The following ADAMDEC1 variants were observed in gnomAD, a reference collection of about 807,000 sequenced individuals.
ADAMDEC1 encodes ADAM like decysin 1, also known as ADAM DEC1.
ADAMDEC1 carries 62 observed loss-of-function variants against 60.4 expected under a neutral mutation model. That is an observed-to-expected ratio of 1.03 (90% CI 0.84 to 1.27). ADAMDEC1 has a LOEUF of 1.27. Among genes scored for constraint, ADAMDEC1 ranks in the 50% most tolerant of loss-of-function variants. The pLI is 0.00. For synonymous variants in ADAMDEC1, 210 were observed against 195.1 expected (o/e 1.08, Z -0.64); for missense variants, 595 against 565.0 (o/e 1.05, Z -0.54).
At chr8:24,395,639 C>A in intron 4 of ADAMDEC1, 81 bp from the exon 5 acceptor site, 1 of 932,616 alleles carries the variant, frequency 1.1e-6, no homozygotes, top group Non-Finnish European at 1.6e-6. Context: ...CATGTATTCT[C>A]ATAGTTTATA....
chr8:24,394,082 C>T lies in ADAMDEC1; in HGVS notation c.298C>T (p.Pro100Ser). 1 of 1,613,008 alleles carries T rather than the reference C, an allele frequency of 6.2e-7. No homozygotes were observed. Among genetic ancestry groups the T allele is most frequent in the Non-Finnish European group, 8.5e-7 (1 of 1,179,164 alleles). Residue 100 changes from proline to serine, a missense_variant, in exon 4 of 14, where the codon CCA becomes TCA. Coordinates refer to ENST00000256412, the MANE Select transcript of ADAMDEC1 (RefSeq NM_014479.3). ...TGCTCTCTACAGGCACCTCCTGGGG[C>T]CAGACTACACTGAAACATTGTACTC... ...SLQKTKHLLG[P>S]DYTETLYSPR...
chr8:24,389,165 G>C (rs959677353), intron 1 of ADAMDEC1, among the ~76,000 whole-genome samples: 1 of 152,142 alleles, frequency 6.6e-6, no homozygotes, highest in Non-Finnish European at 1.5e-5. Context: ...TGCCAGATTA[G>C]CATCCAAGAT....
intron 1 of ADAMDEC1, among the ~76,000 whole-genome samples, chr8:24,386,765 G>A (rs1334977760): frequency 6.6e-6 from 1 of 151,882 alleles, no homozygotes; most frequent in Non-Finnish European, 1.5e-5. Context: ...TTTCTCTTCT[G>A]CCAATTAACA....
Position 24,405,612 on chromosome 8 carries a change from G to A in ADAMDEC1, c.*314G>A, listed in dbSNP as rs1026730085. On this transcript the variant is annotated 3_prime_UTR_variant, in exon 14 of 14. Transcript: ENST00000256412. ...TCCATCAAATCACCTTAAAATGCAC[G>A]GCTAAACTATTCAGAGTTAACACTC... The A allele has an allele frequency of 2.9e-5, 9 of 307,340 alleles. No individual in the cohort carries two copies. The highest frequency in any genetic ancestry group is 2.4e-5 in the Non-Finnish European group (4 of 169,226). 19.0% of individuals were successfully genotyped at this position (307,340 alleles called of 1,614,324 possible). A position where few individuals can be genotyped will look rare whatever the true frequency, so the allele number is the denominator to read the frequency against.
chr8:24,393,429 A>G, intron 3 of ADAMDEC1, 91 bp downstream of exon 3: 1 of 845,754 alleles, frequency 1.2e-6, no homozygotes, highest in Non-Finnish European at 1.8e-6. Flanking sequence ...GTGGTTTGAC[A>G]TAGAAGACAT....
intron 12 of ADAMDEC1, among the ~76,000 whole-genome samples, chr8:24,402,374 C>A (rs906094509): frequency 1.3e-5 from 2 of 151,978 alleles, no homozygotes; most frequent in African/African-American, 4.8e-5. Flanking sequence ...GTCAGAAATC[C>A]CTAGACGACA....
At position 24,405,665 on chromosome 8, in the gene ADAMDEC1, C is replaced by T. The variant is rs1817871230; in HGVS notation, c.*367C>T. 1 of 189,984 alleles carries T rather than the reference C, an allele frequency of 5.3e-6. No homozygotes were observed. The highest frequency in any genetic ancestry group is 2.3e-5 in the African/African-American group (1 of 42,812). 11.8% of individuals were successfully genotyped at this position (189,984 alleles called of 1,614,324 possible). On this transcript the variant is annotated 3_prime_UTR_variant, in exon 14 of 14. Transcript: ENST00000256412. ...GAATTGTTAAATTACAAGTACTATG[C>T]TTTAATGCTTCTTTCATCTTACTAG...
At chr8:24,400,077 A>T in intron 10 of ADAMDEC1, 93 bp from the exon 11 acceptor site, 1 of 1,032,220 alleles carries the variant, frequency 9.7e-7, no homozygotes, top group Non-Finnish European at 1.3e-6. Flanking sequence ...CTAACAATTC[A>T]CTAGTTTTCA....
chr8:24,403,346 A>G (rs1398447363), intron 12 of ADAMDEC1, among the ~76,000 whole-genome samples: 1 of 151,926 alleles, frequency 6.6e-6, no homozygotes, highest in Admixed American at 6.6e-5. Flanking sequence ...TATTATTCCT[A>G]GGTATATAGT....
chr8:24,386,834 T>C (rs1817305926), intron 1 of ADAMDEC1, among the ~76,000 whole-genome samples: 1 of 152,204 alleles, frequency 6.6e-6, no homozygotes, highest in South Asian at 2.1e-4. Flanking sequence ...ACCGATGAAG[T>C]GAGTACTCAG....
At chr8:24,391,758 G>T (rs982691030) in intron 1 of ADAMDEC1, among the ~76,000 whole-genome samples, 20 of 152,032 alleles carry the variant, frequency 1.3e-4, no homozygotes, top group African/African-American at 4.8e-4. Flanking sequence ...TTTCCTAAAA[G>T]TAAATGATTA....
rs750684960 is a variant in ADAMDEC1, at chr8:24,395,723, C to T, written c.367C>T (p.His123Tyr). Reference sequence around the variant, plus strand: ...TAATTTCTTTTTTCCACTCCAGGAACACTGTTACTATAAAGGAAACATCCT... The same window carrying T: ...TAATTTCTTTTTTCCACTCCAGGAATACTGTTACTATAAAGGAAACATCCT... ...EITTKPENME[H>Y]CYYKGNILNE... Residue 123 changes from histidine to tyrosine, a missense_variant, in exon 5 of 14, where the codon CAC (histidine) becomes TAC (tyrosine). Coordinates refer to ENST00000256412, the MANE Select transcript of ADAMDEC1 (RefSeq NM_014479.3). The T allele has an allele frequency of 1.6e-5, 26 of 1,611,542 alleles. No individual in the cohort carries two copies. Among genetic ancestry groups the T allele is most frequent in the Non-Finnish European group, 2.2e-5 (26 of 1,178,352 alleles).
rs1234048796 is a variant in ADAMDEC1 at position 24,398,364 on chromosome 8, T to G, written c.691-116T>G. On this transcript the variant is annotated intron_variant, in intron 7 of 13. Transcript: ENST00000256412. Reference sequence around the variant, plus strand: ...TTACATTATTTAATTATGGAATGAATAGATGTTAATTGTAGTGAAATTCAT... The same window carrying G: ...TTACATTATTTAATTATGGAATGAAGAGATGTTAATTGTAGTGAAATTCAT... 4 of 642,626 alleles carry G rather than the reference T, an allele frequency of 6.2e-6. No homozygotes were observed. The East Asian group carries it at 1.2e-4, about 19-fold the overall frequency. 39.8% of individuals were successfully genotyped at this position (642,626 alleles called of 1,614,324 possible).
At chr8:24,390,108 T>C (rs1486647473) in intron 1 of ADAMDEC1, 2 of 497,568 alleles carry the variant, frequency 4.0e-6, no homozygotes, top group Non-Finnish European at 7.5e-6. Context: ...GTCTATTCTA[T>C]TATTTTATTT....
Position 24,401,900 on chromosome 8 carries a change from T to A in ADAMDEC1, c.1143-15T>A. Reference sequence around the variant, plus strand: ...CACTGTATATCATATTATTTGAGTTTTCTTCTGATTACAGTTCAAAATTCC... The same window carrying A: ...CACTGTATATCATATTATTTGAGTTATCTTCTGATTACAGTTCAAAATTCC... On this transcript the variant is annotated splice_polypyrimidine_tract_variant and intron_variant, in intron 11 of 13. Transcript: ENST00000256412. The A allele has an allele frequency of 6.3e-7, 1 of 1,594,976 alleles. No homozygotes were observed. The highest frequency in any genetic ancestry group is 8.5e-7 in the Non-Finnish European group (1 of 1,172,978).
chr8:24,399,548 A>C, intron 10 of ADAMDEC1, 74 bp downstream of exon 10: 1 of 1,183,258 alleles, frequency 8.5e-7, no homozygotes, highest in South Asian at 1.2e-5. Context: ...CTTATATAGA[A>C]TGAGCAAAAT....
At chr8:24,399,140 G>C (rs976471513) in intron 9 of ADAMDEC1, 100 bp downstream of exon 9, 23 of 1,352,360 alleles carry the variant, frequency 1.7e-5, no homozygotes, top group Admixed American at 2.6e-5. Context: ...CTGATCAACT[G>C]TCAGAGTGCT....
At position 24,401,949 on chromosome 8, in the gene ADAMDEC1, C is replaced by T. The variant is rs755659851; in HGVS notation, c.1177C>T (p.Arg393Cys). The change falls in exon 12 of 14, where the codon CGT becomes TGT. Residue 393 changes from arginine to cysteine, a missense_variant. By Grantham distance (180) the Arg-to-Cys change is radical. Coordinates refer to ENST00000256412, the MANE Select transcript of ADAMDEC1 (RefSeq NM_014479.3). ...CCCAAAGGATTTCAGTACATCTTGC[C>T]GTGCACATTTTGAAAGATACCTTTT... ...KFPKDFSTSC[R>C]AHFERYLLSQ... 1.4e-5 allele frequency: 22 copies of T among 1,612,204 alleles called. No individual in the cohort carries two copies. The highest frequency in any genetic ancestry group is 6.6e-5 in the South Asian group (6 of 90,992).
chr8:24,399,103 C>A, intron 9 of ADAMDEC1, 63 bp downstream of exon 9: 1 of 1,515,062 alleles, frequency 6.6e-7, no homozygotes. Context: ...GGTTCCTTAG[C>A]AGGGATTTCC....
Sources: gnomAD v4.1 joint callset for allele counts (sites outside exome capture counted in the v4.1 genomes callset) on GRCh38, gnomAD v4.1.1 for gene constraint, MANE v1.5 for transcripts, NCBI Gene and HGNC (gene_info 2026-07-23, HGNC 2026-07-21) for gene names.